Variants in PTDSS1 observed in about 807,000 individuals in gnomAD.
PTDSS1 encodes phosphatidylserine synthase 1.
PTDSS1 carries 45 observed loss-of-function variants against 70.5 expected under a neutral mutation model. The observed-to-expected ratio is 0.64, with a 90% confidence interval of 0.50 to 0.82. The LOEUF (loss-of-function observed/expected upper bound fraction) is 0.82. PTDSS1 is among the 40% of genes least tolerant of loss of function. The pLI, the probability that PTDSS1 is intolerant of heterozygous loss-of-function variation, is 0.00. For missense variants in PTDSS1, 417 were observed against 586.1 expected (o/e 0.71, Z 2.98); for synonymous variants, 188 against 203.8 (o/e 0.92, Z 0.66).
At chr8:96,278,735 T>C (rs1001389867) in intron 2 of PTDSS1, among the ~76,000 whole-genome samples, 1 of 152,170 alleles carries the variant, frequency 6.6e-6, no homozygotes, top group African/African-American at 2.4e-5. Context: ...ACGGTCGACC[T>C]TCTGGTGTAC....
chr8:96,290,131 G>A (rs932559020), intron 4 of PTDSS1, among the ~76,000 whole-genome samples: 9 of 152,112 alleles, frequency 5.9e-5, no homozygotes, highest in East Asian at 1.9e-4. Context: ...AACACAAGCC[G>A]ATGGATCTCT....
chr8:96,310,986 G>A (rs902004577), intron 9 of PTDSS1, among the ~76,000 whole-genome samples: 31 of 151,856 alleles, frequency 2.0e-4, no homozygotes, highest in Admixed American at 5.2e-4. Flanking sequence ...GGATGGTCTC[G>A]ATTTCTTGAA....
intron 9 of PTDSS1, among the ~76,000 whole-genome samples, chr8:96,318,901 C>CTTT (rs1475441195): frequency 6.0e-4 from 41 of 68,108 alleles, no homozygotes; most frequent in East Asian, 1.5e-3. Context: ...CCCCTTCTTG[C>CTTT]CTTTTTTTTT....
intron 9 of PTDSS1, among the ~76,000 whole-genome samples, chr8:96,314,888 G>A (rs11782979): frequency 0.43 from 65,980 of 151,972 alleles, 14,798 homozygotes; most frequent in Middle Eastern, 0.47. Flanking sequence ...GAGCCACCAC[G>A]CCTGGCCTAC....
At chr8:96,298,159 T>C (rs1811001281) in intron 5 of PTDSS1, among the ~76,000 whole-genome samples, 1 of 152,124 alleles carries the variant, frequency 6.6e-6, no homozygotes, top group South Asian at 2.1e-4. Flanking sequence ...GGGAATACAC[T>C]TCAAGGGTAG....
At chr8:96,331,340 C>T (rs573511112) in intron 12 of PTDSS1, among the ~76,000 whole-genome samples, 1 of 152,084 alleles carries the variant, frequency 6.6e-6, no homozygotes, top group South Asian at 2.1e-4. Flanking sequence ...CCAGCCTGGC[C>T]AACATGGTGA....
chr8:96,333,108 GGTGT>G, intron 12 of PTDSS1, among the ~76,000 whole-genome samples: 1 of 152,210 alleles, frequency 6.6e-6, no homozygotes, highest in East Asian at 1.9e-4. Flanking sequence ...GGCACCGCGT[GGTGT>G]GTGTTTTAAT....
Position 96,320,345 on chromosome 8 carries a change from G to A in PTDSS1, c.1173G>A (p.Val391=). The A allele has an allele frequency of 6.3e-7, 1 of 1,598,208 alleles. No homozygotes were observed. Among genetic ancestry groups the A allele is most frequent in the Non-Finnish European group, 8.6e-7 (1 of 1,165,726 alleles). ...ILYVVLWLLC[V]AFTTFLCLYG... ...ATGTTGTGCTTTGGCTTCTTTGCGT[G>A]GTAAGTCACTGCATTTTACCCAAAG... The change falls in exon 10 of 13, where the codon GTG becomes GTA. Residue 391 remains valine (V), a splice_region_variant and synonymous_variant. Transcript: ENST00000517309.
At chr8:96,277,957 T>C (rs1411112641) in intron 2 of PTDSS1, among the ~76,000 whole-genome samples, 1 of 152,194 alleles carries the variant, frequency 6.6e-6, no homozygotes, top group Non-Finnish European at 1.5e-5. Context: ...CGTTCTGAGA[T>C]AGGGTGGTTG....
At chr8:96,318,451 A>G (rs890889733) in intron 9 of PTDSS1, among the ~76,000 whole-genome samples, 7 of 152,184 alleles carry the variant, frequency 4.6e-5, no homozygotes, top group Non-Finnish European at 8.8e-5. Flanking sequence ...CACTCCCATC[A>G]TAGGAGTTAT....
chr8:96,304,059 G>A lies in PTDSS1; in HGVS notation c.772G>A (p.Gly258Arg). 6.2e-7 allele frequency: 1 copy of A among 1,611,816 alleles called. No homozygotes were observed. The highest frequency in any genetic ancestry group is 1.3e-5 in the African/African-American group (1 of 74,744). ...ASFKDIHTTT[G>R]KIKRAVLQFT... is the part of the protein sequence containing the mutation. ...TTACAGGGACATTCATACCACCACC[G>A]GGAAGATCAAGAGAGCTGTTCTGCA... The change falls in exon 7 of 13, where the codon GGG becomes AGG. Residue 258 changes from glycine to arginine, a missense_variant. Physicochemically the swap from Gly to Arg is moderately radical, Grantham distance 125. Transcript: ENST00000517309.
chr8:96,323,657 T>G (rs868206940), intron 10 of PTDSS1, among the ~76,000 whole-genome samples: 52 of 152,194 alleles, frequency 3.4e-4, no homozygotes, highest in African/African-American at 1.2e-3. Context: ...AAAACCATTC[T>G]GCCCTCTTAG....
intron 2 of PTDSS1, 83 bp from the exon 3 acceptor site, chr8:96,284,026 C>A: frequency 9.2e-7 from 1 of 1,090,140 alleles, no homozygotes; most frequent in South Asian, 1.4e-5. Context: ...TTCTTGTTAT[C>A]TGTATGGAGA....
chr8:96,287,674 G>GCTC (rs1411097452), intron 4 of PTDSS1, among the ~76,000 whole-genome samples: 1 of 151,936 alleles, frequency 6.6e-6, no homozygotes, highest in African/African-American at 2.4e-5. Context: ...CCTTGATCCT[G>GCTC]CTCCACTGCT....
At chr8:96,326,794 G>T (rs1811444746) in intron 10 of PTDSS1, among the ~76,000 whole-genome samples, 1 of 152,192 alleles carries the variant, frequency 6.6e-6, no homozygotes, top group South Asian at 2.1e-4. Flanking sequence ...ATGGGTTGGG[G>T]GGAAGAAGTA....
rs186547162 is a variant in PTDSS1, at chr8:96,279,693, C to T, written c.272-4416C>T. On this transcript the variant is annotated intron_variant, in intron 2 of 12. Coordinates refer to ENST00000517309, the MANE Select transcript of PTDSS1 (RefSeq NM_014754.3). ...AATTAGCCAGGTGGGGTGGCACATG[C>T]CTGTAATCCCAGCTACTCAGGAGGC... is the stretch of plus-strand genomic sequence containing the variant. 4.8e-3 allele frequency among the ~76,000 whole-genome samples: 728 copies of T among 152,166 alleles called. 2 individuals are homozygous for T. Among genetic ancestry groups the T allele is most frequent in the African/African-American group, 0.014 (583 of 41,512 alleles).
intron 10 of PTDSS1, among the ~76,000 whole-genome samples, chr8:96,325,040 A>G (rs1453473628): frequency 6.6e-6 from 1 of 152,222 alleles, no homozygotes. Context: ...CCACACAGAT[A>G]GATGACGGTG....
chr8:96,314,993 G>A (rs1811265600), intron 9 of PTDSS1, among the ~76,000 whole-genome samples: 1 of 152,146 alleles, frequency 6.6e-6, no homozygotes, highest in African/African-American at 2.4e-5. Flanking sequence ...ACAGTTCTGA[G>A]TTTGCCATCC....
intron 9 of PTDSS1, among the ~76,000 whole-genome samples, chr8:96,310,947 G>A (rs1444703294): frequency 6.6e-6 from 1 of 151,988 alleles, no homozygotes; most frequent in Non-Finnish European, 1.5e-5. Flanking sequence ...TGTATTTTTA[G>A]TAGAGATGGG....
Sources: allele counts gnomAD v4.1 joint callset (sites outside exome capture counted in the v4.1 genomes callset), GRCh38; gene constraint gnomAD v4.1.1; transcripts MANE v1.5; gene names NCBI Gene and HGNC (gene_info 2026-07-23, HGNC 2026-07-21).